Variants in KNOP1 observed in about 807,000 individuals in gnomAD.
KNOP1 encodes lysine-rich nucleolar protein 1.
In KNOP1, 20 loss-of-function variants were observed where a neutral mutation model predicts 30.6. The ratio of observed to expected loss-of-function variants is 0.65; its 90% CI spans 0.46 to 0.95. The LOEUF (loss-of-function observed/expected upper bound fraction) is 0.95. Among genes scored for constraint, KNOP1 ranks in the 40% least tolerant of loss-of-function variants. The pLI, the probability that KNOP1 is intolerant of heterozygous loss-of-function variation, is 0.00. For missense variants in KNOP1, 540 were observed against 562.0 expected (o/e 0.96, Z 0.40); for synonymous variants, 204 against 210.0 (o/e 0.97, Z 0.25).
chr16:19,710,681 T>C, intron 3 of KNOP1, 95 bp from the exon 4 acceptor site: 3 of 924,742 alleles, frequency 3.2e-6, no homozygotes, highest in Non-Finnish European at 5.3e-6. Flanking sequence ...GAACGGAACG[T>C]GGGAGGAACT....
At chr16:19,718,114 C>G in intron 1 of KNOP1, 44 bp downstream of exon 1, 3 of 1,445,088 alleles carry the variant, frequency 2.1e-6, no homozygotes, top group Non-Finnish European at 2.7e-6. Flanking sequence ...GGTGCAATCT[C>G]CACACCCCGC....
rs1326753900 is a variant in KNOP1 at position 19,714,916 on chromosome 16, A to T, written c.120T>A (p.Asp40Glu). 1.9e-6 allele frequency: 3 copies of T among 1,613,858 alleles called. No homozygotes were observed. The highest frequency in any genetic ancestry group is 1.7e-6 in the Non-Finnish European group (2 of 1,179,922). ...SVLNNDDYFA[D>E]VSPLRATSPS... Reference sequence around the variant, plus strand: ...GGGATGTAGCTCTTAAAGGAGAAACATCAGCAAAGTAATCATCATTGTTTA... The same window carrying T: ...GGGATGTAGCTCTTAAAGGAGAAACTTCAGCAAAGTAATCATCATTGTTTA... Residue 40 changes from aspartate to glutamate, a missense_variant, in exon 2 of 5, where the codon GAT (aspartate) becomes GAA (glutamate). Physicochemically the swap from Asp to Glu is conservative, Grantham distance 45. Transcript: ENST00000219837.
chr16:19,718,040 G>T, intron 1 of KNOP1, 118 bp downstream of exon 1: 1 of 1,394,694 alleles, frequency 7.2e-7, no homozygotes, highest in East Asian at 2.8e-5. Context: ...ACCGACTGGA[G>T]GGGTCGGATT....
In KNOP1 at chr16:19,705,066, G is replaced by GAAGT. The variant is rs1007355423; in HGVS notation, c.*1840_*1843dup. On this transcript the variant is annotated 3_prime_UTR_variant, in exon 5 of 5. Coordinates refer to ENST00000219837, the MANE Select transcript of KNOP1 (RefSeq NM_001012991.3). ...CATTGCCCAGCAATGGAGGCTTCTG[G>GAAGT]AAGTTTCCTTGAGACACAAAAAGGC... The GAAGT allele has an allele frequency of 5.2e-5, 22 of 426,742 alleles. No homozygotes were observed. In the Admixed American group the frequency reaches 5.3e-4, roughly 10 times the overall value. 26.4% of individuals were successfully genotyped at this position (426,742 alleles called of 1,614,324 possible). A position where few individuals can be genotyped will look rare whatever the true frequency, so the allele number is the denominator to read the frequency against.
chr16:19,709,449 G>T (rs73541431), intron 4 of KNOP1, among the ~76,000 whole-genome samples: 2,868 of 152,274 alleles, frequency 0.019, 72 homozygotes, highest in African/African-American at 0.065. Context: ...TCCTCAGGCT[G>T]CGGCCTGCAG....
intron 4 of KNOP1, 123 bp from the exon 5 acceptor site, chr16:19,707,344 C>CTAA: frequency 1.4e-6 from 1 of 720,176 alleles, no homozygotes; most frequent in Non-Finnish European, 2.3e-6. Context: ...AGGCACAGTG[C>CTAA]TAATAAGCTC....
At position 19,707,090 on chromosome 16, in the gene KNOP1, C is replaced by T. The variant is rs764645476; in HGVS notation, c.1197G>A (p.Arg399=). Residue 399 remains arginine (R), a synonymous_variant, in exon 5 of 5, where the codon AGG becomes AGA. Coordinates refer to ENST00000219837, the MANE Select transcript of KNOP1 (RefSeq NM_001012991.3). ...SFSRPASTIA[R]PNMALGKKAA... ...CCTTCTTGCCGAGGGCCATGTTGGG[C>T]CTTGCAATCGTGCTGGCGGGGCGGC... 1 of 1,614,188 alleles carries T rather than the reference C, an allele frequency of 6.2e-7. No homozygotes were observed. Among genetic ancestry groups the T allele is most frequent in the Non-Finnish European group, 8.5e-7 (1 of 1,180,022 alleles).
At chr16:19,717,397 G>A (rs890132551) in intron 1 of KNOP1, 1 of 985,548 alleles carries the variant, frequency 1.0e-6, no homozygotes, top group African/African-American at 1.7e-5. Flanking sequence ...CAGAATAGGG[G>A]AGCAGTCAAG....
In KNOP1 at chr16:19,706,804, G is replaced by A; in HGVS notation, c.*106C>T. ...AGTTATTTATATCTTACTGCTCGAG[G>A]TCCTCACCAAGATCTGATTTTTTCA... is the stretch of plus-strand genomic sequence containing the variant. On this transcript the variant is annotated 3_prime_UTR_variant, in exon 5 of 5. Transcript: ENST00000219837. 1.7e-6 allele frequency: 2 copies of A among 1,162,542 alleles called. No individual in the cohort carries two copies. The highest frequency in any genetic ancestry group is 2.5e-6 in the Non-Finnish European group (2 of 799,494). The allele number at this position is 1,162,542 out of a possible 1,614,324, so 72.0% of individuals were successfully genotyped here.
chr16:19,707,844 C>G, intron 4 of KNOP1, among the ~76,000 whole-genome samples: 1 of 99,126 alleles, frequency 1.0e-5, no homozygotes, highest in Non-Finnish European at 2.1e-5. Context: ...CCCCTAACCA[C>G]GCTACACAGT....
chr16:19,707,009 C>G lies in KNOP1; in HGVS notation c.1278G>C (p.Trp426Cys). The change falls in exon 5 of 5, where the codon TGG (tryptophan) becomes TGC (cysteine). Residue 426 changes from tryptophan (W) to cysteine (C), a missense_variant. Physicochemically the swap from Trp to Cys is radical, Grantham distance 215. Transcript: ENST00000219837. Reference protein sequence around the residue: ...LQRDYDRAMSWKYSRGAGLGF... With the variant: ...LQRDYDRAMSCKYSRGAGLGF... ...CGAGGCCGGCTCCCCGGCTGTACTT[C>G]CAGCTCATGGCCCGGTCGTAGTCCC... 1 of 1,614,086 alleles carries G rather than the reference C, an allele frequency of 6.2e-7. No individual in the cohort carries two copies. The highest frequency in any genetic ancestry group is 8.5e-7 in the Non-Finnish European group (1 of 1,180,046).
chr16:19,710,249 C>T (rs972343809), intron 4 of KNOP1: 1 of 554,664 alleles, frequency 1.8e-6, no homozygotes. Flanking sequence ...GACACCCCAC[C>T]AGTCCAGGGC....
rs1677985011 is a variant in KNOP1 at position 19,704,035 on chromosome 16, A to G, written c.*2875T>C. The G allele has an allele frequency of 6.6e-6, 1 of 152,344 alleles. No homozygotes were observed. Among genetic ancestry groups the G allele is most frequent in the South Asian group, 2.1e-4 (1 of 4,838 alleles). 9.4% of individuals were successfully genotyped at this position (152,344 alleles called of 1,614,324 possible). ...CAGTCACCAGGGCTTGGATGGGAGC[A>G]ACACAGCGGACATATGATCACCTCT... On this transcript the variant is annotated 3_prime_UTR_variant, in exon 5 of 5. Coordinates refer to ENST00000219837, the MANE Select transcript of KNOP1 (RefSeq NM_001012991.3).
intron 3 of KNOP1, among the ~76,000 whole-genome samples, chr16:19,710,982 G>T (rs957771875): frequency 6.6e-6 from 1 of 151,904 alleles, no homozygotes; most frequent in Non-Finnish European, 1.5e-5. Context: ...CATTTGCCAC[G>T]GGATATGGGA....
rs553354064 is a variant in KNOP1, at chr16:19,708,183, C to T, written c.1066-962G>A. Among the ~76,000 whole-genome samples, 13 of 151,534 alleles carry T rather than the reference C, an allele frequency of 8.6e-5. No homozygotes were observed. The South Asian group carries it at 2.3e-3, about 27-fold the overall frequency. ...GCTTCTCAGAAGCACTGTTTTATGG[C>T]GGGAACGGGTGCGGGCCCACAGGGG... is the stretch of plus-strand genomic sequence containing the variant. On this transcript the variant is annotated intron_variant, in intron 4 of 4. Transcript: ENST00000219837.
chr16:19,711,526 A>T (rs1349833539), intron 2 of KNOP1, 86 bp from the exon 3 acceptor site: 1 of 1,290,346 alleles, frequency 7.7e-7, no homozygotes, highest in African/African-American at 1.5e-5. Flanking sequence ...AGACCATGAC[A>T]AAGTCCAGAA....
At chr16:19,715,133 G>T in intron 1 of KNOP1, 96 bp from the exon 2 acceptor site, 1 of 852,904 alleles carries the variant, frequency 1.2e-6, no homozygotes, top group Non-Finnish European at 1.8e-6. Context: ...TGAGTGGGTG[G>T]TCAAAGCGTT....
At chr16:19,708,643 G>A (rs781777868) in intron 4 of KNOP1, among the ~76,000 whole-genome samples, 60 of 152,086 alleles carry the variant, frequency 3.9e-4, no homozygotes, top group Non-Finnish European at 5.9e-4. Flanking sequence ...GGAACTTCCC[G>A]CCCACAAGCC....
chr16:19,710,868 C>T (rs555300022), intron 3 of KNOP1, among the ~76,000 whole-genome samples: 14 of 149,478 alleles, frequency 9.4e-5, no homozygotes, highest in Admixed American at 5.4e-4. Flanking sequence ...GCCAAGATCA[C>T]GCCACGGCAC....
Sources: gnomAD v4.1 joint callset for allele counts (sites outside exome capture counted in the v4.1 genomes callset) on GRCh38, gnomAD v4.1.1 for gene constraint, MANE v1.5 for transcripts, NCBI Gene and HGNC (gene_info 2026-07-23, HGNC 2026-07-21) for gene names.